PIN4: variants seen among roughly 807,000 people sequenced by gnomAD.
PIN4 encodes the protein peptidyl-prolyl cis-trans isomerase NIMA-interacting 4.
PIN4 carries 3 observed loss-of-function variants against 8.3 expected under a neutral mutation model. The observed-to-expected ratio is 0.36, with a 90% confidence interval of 0.16 to 0.93. The LOEUF is 0.93. PIN4 is among the 40% of genes least tolerant of loss of function. The pLI, the probability that PIN4 is intolerant of heterozygous loss-of-function variation, is 0.44. For synonymous variants in PIN4, 18 were observed against 32.5 expected (o/e 0.55, Z 1.52); for missense variants, 75 against 100.6 (o/e 0.75, Z 1.09).
chrX:72,185,722 G>T (rs1243171423), intron 1 of PIN4, among the ~76,000 whole-genome samples: 3 of 112,578 alleles, frequency 2.7e-5, no homozygotes, highest in Non-Finnish European at 5.6e-5. Flanking sequence ...GTAAGATGCT[G>T]CTAATGGTTC....
At chrX:72,213,799 A>G (rs1454234913) in intron 3 of PIN4, among the ~76,000 whole-genome samples, 1 of 111,851 alleles carries the variant, frequency 8.9e-6, no homozygotes, top group African/African-American at 3.3e-5. Context: ...ATGTGGCCCA[A>G]GGTTCCATTC....
chrX:72,257,402 A>G (rs1325620306), intron 3 of PIN4, among the ~76,000 whole-genome samples: 2 of 110,177 alleles, frequency 1.8e-5, no homozygotes, highest in Non-Finnish European at 3.8e-5. Context: ...TGTGTGGTGA[A>G]TAGACTGTGT....
Position 72,206,450 on chromosome X carries a change from C to T in PIN4, c.312+9546C>T. ...GGCAGATCATCAATGACTACACTTG[C>T]CATTTTGGAACTGATATCTTCTTCC... On this transcript the variant is annotated intron_variant, in intron 3 of 3. Transcript: ENST00000423432. 2.5e-6 allele frequency: 3 copies of T among 1,210,613 alleles called. No homozygotes were observed. The highest frequency in any genetic ancestry group is 3.4e-6 in the Non-Finnish European group (3 of 895,066).
chrX:72,189,745 T>C (rs1337640038), intron 2 of PIN4, among the ~76,000 whole-genome samples: 1 of 111,656 alleles, frequency 9.0e-6, no homozygotes, highest in Non-Finnish European at 1.9e-5. Flanking sequence ...CGAAACACTC[T>C]GGTCCCAAGC....
intron 3 of PIN4, among the ~76,000 whole-genome samples, chrX:72,203,672 C>T (rs1045133263): frequency 7.2e-5 from 8 of 111,802 alleles, no homozygotes; most frequent in Non-Finnish European, 1.5e-4. Context: ...GGTTAAAAAT[C>T]GGTTTCACCC....
At chrX:72,239,943 G>A (rs748676712) in intron 3 of PIN4, among the ~76,000 whole-genome samples, 1 of 108,501 alleles carries the variant, frequency 9.2e-6, no homozygotes, top group Admixed American at 9.9e-5. Flanking sequence ...TCTCCACAGG[G>A]CGTTATGCTG....
chrX:72,205,770 G>A lies in PIN4; in HGVS notation c.312+8866G>A, dbSNP rs371897834. 4 of 1,210,167 alleles carry A rather than the reference G, an allele frequency of 3.3e-6. No individual in the cohort carries two copies. In the African/African-American group the frequency reaches 5.2e-5, roughly 16 times the overall value. On this transcript the variant is annotated intron_variant, in intron 3 of 3. Coordinates refer to the PIN4 transcript ENST00000423432. The stretch of plus-strand genomic sequence containing the variant: ...CGTCTTTCTCAGAAAACTCCCAACT[G>A]AGACATGTTTTGCTATGCACAAACC...
At chrX:72,194,856 A>G (rs2042756418) in intron 2 of PIN4, among the ~76,000 whole-genome samples, 1 of 110,992 alleles carries the variant, frequency 9.0e-6, no homozygotes, top group Admixed American at 9.6e-5. Context: ...ACCATTTTTT[A>G]TCTTTTATAC....
intron 3 of PIN4, among the ~76,000 whole-genome samples, chrX:72,228,758 TC>T (rs1023373906): frequency 9.0e-6 from 1 of 111,162 alleles, no homozygotes. Context: ...TGTTTTTTTT[TC>T]AATACAAATA....
chrX:72,199,087 T>C (rs1489031144), downstream of PIN4: 1 of 103,253 alleles, frequency 9.7e-6, no homozygotes, highest in African/African-American at 3.8e-5. Context: ...ATGTTATTGA[T>C]TGATTTTTTT....
intron 3 of PIN4, among the ~76,000 whole-genome samples, chrX:72,213,663 A>G (rs1024465856): frequency 1.4e-4 from 16 of 112,271 alleles, no homozygotes; most frequent in African/African-American, 4.8e-4. Context: ...AATCGGGCTA[A>G]AGGCTCGCCA....
chrX:72,240,874 T>C (rs886771014), intron 3 of PIN4, among the ~76,000 whole-genome samples: 2 of 111,166 alleles, frequency 1.8e-5, no homozygotes, highest in Admixed American at 1.9e-4. Flanking sequence ...TGTATGACTT[T>C]AAGGCCTTTA....
At chrX:72,187,663 C>T (rs776857776) in intron 2 of PIN4, among the ~76,000 whole-genome samples, 1 of 111,305 alleles carries the variant, frequency 9.0e-6, no homozygotes, top group Non-Finnish European at 1.9e-5. Context: ...ATCAGCCAGA[C>T]GTGGTGGTGC....
downstream of PIN4, among the ~76,000 whole-genome samples, chrX:72,201,507 G>A (rs1456378556): frequency 2.7e-5 from 3 of 111,801 alleles, no homozygotes; most frequent in Non-Finnish European, 5.6e-5. Context: ...GGCAGGTAGG[G>A]CTGAGGTGGG....
chrX:72,227,868 G>A (rs1216068295), intron 3 of PIN4, among the ~76,000 whole-genome samples: 3 of 112,256 alleles, frequency 2.7e-5, no homozygotes, highest in Non-Finnish European at 3.8e-5. Context: ...CTTAAATATC[G>A]GCCAGCCGTA....
chrX:72,188,994 G>A (rs2042717860), intron 2 of PIN4, among the ~76,000 whole-genome samples: 1 of 111,479 alleles, frequency 9.0e-6, no homozygotes, highest in African/African-American at 3.3e-5. Context: ...AGATTCACAT[G>A]CAGTTTTAAG....
chrX:72,219,468 C>T (rs2042908304), intron 3 of PIN4, among the ~76,000 whole-genome samples: 1 of 109,352 alleles, frequency 9.1e-6, no homozygotes. Context: ...GCAGGAGAAT[C>T]GCTTGAACCT....
intron 3 of PIN4, among the ~76,000 whole-genome samples, chrX:72,234,117 A>G (rs2043002806): frequency 8.9e-6 from 1 of 112,005 alleles, no homozygotes; most frequent in African/African-American, 3.2e-5. Flanking sequence ...CTCAAAAAAA[A>G]AAAAGAATAT....
At chrX:72,234,740 A>C (rs1362881749) in intron 3 of PIN4, among the ~76,000 whole-genome samples, 1 of 111,571 alleles carries the variant, frequency 9.0e-6, no homozygotes, top group Non-Finnish European at 1.9e-5. Flanking sequence ...GGCAAAGAAC[A>C]CAGAGGGAAT....
Sources: gnomAD v4.1 joint callset for allele counts (sites outside exome capture counted in the v4.1 genomes callset) on GRCh38, gnomAD v4.1.1 for gene constraint, MANE v1.5 for transcripts, NCBI Gene and HGNC (gene_info 2026-07-23, HGNC 2026-07-21) for gene names.